FKBP5: variants seen among roughly 807,000 people sequenced by gnomAD.
The protein encoded by FKBP5 is FKBP prolyl isomerase 5, also known as peptidyl-prolyl cis-trans isomerase FKBP5.
Under a neutral mutation model 50.5 loss-of-function variants are expected in FKBP5, and 23 were observed. That is an observed-to-expected ratio of 0.46 (90% confidence interval 0.33 to 0.65). FKBP5 has a LOEUF of 0.65. Among genes scored for constraint, FKBP5 ranks in the 30% least tolerant of loss-of-function variants. The pLI is 0.02. For synonymous variants in FKBP5, 176 were observed against 190.6 expected (o/e 0.92, Z 0.63); for missense variants, 411 against 553.1 (o/e 0.74, Z 2.58).
At chr6:35,580,771 G>A in intron 8 of FKBP5, 3 of 726,204 alleles carry the variant, frequency 4.1e-6, no homozygotes, top group Non-Finnish European at 5.1e-6. Flanking sequence ...TTGAACTCCT[G>A]ACCTTGTGAT....
chr6:35,633,544 AAAAAAAAAAAAAAAAGG>A (rs1415293835), intron 3 of FKBP5, among the ~76,000 whole-genome samples: 1 of 20,682 alleles, frequency 4.8e-5, no homozygotes, highest in Non-Finnish European at 1.5e-4. Flanking sequence ...TTCCATCTCA[AAAAAAAAAAAAAAAAGG>A]AAAAAAAAAA....
At chr6:35,651,970 G>A (rs1764813919) in intron 1 of FKBP5, 3 of 469,020 alleles carry the variant, frequency 6.4e-6, no homozygotes, top group Admixed American at 5.2e-5. Flanking sequence ...CCCAAACGGA[G>A]GAACCGGCTG....
At chr6:35,671,183 G>T (rs559395621) in intron 1 of FKBP5, among the ~76,000 whole-genome samples, 1 of 151,832 alleles carries the variant, frequency 6.6e-6, no homozygotes, top group Non-Finnish European at 1.5e-5. Context: ...AGGATTGCTT[G>T]AGCCAGGGAG....
chr6:35,623,135 C>G (rs4713900), intron 3 of FKBP5, among the ~76,000 whole-genome samples: 125,098 of 152,206 alleles, frequency 0.82, 51,537 homozygotes, highest in African/African-American at 0.84. Context: ...CCAGCTACTC[C>G]GGAGGCTGAG....
At position 35,680,316 on chromosome 6, in the gene FKBP5, G is replaced by A. The variant is rs142989415; in HGVS notation, c.-20+8488C>T. On this transcript the variant is annotated intron_variant, in intron 1 of 10. Transcript: ENST00000357266. ...ATGGTGGTGCACGCCTATAGTCCCAGCCACTCAGGAAACTGAGGCAGGAGA... is the reference window on the plus strand; with the variant it reads ...ATGGTGGTGCACGCCTATAGTCCCAACCACTCAGGAAACTGAGGCAGGAGA... Among the ~76,000 whole-genome samples the A allele has an allele frequency of 9.1e-3, 1,380 of 152,192 alleles. 15 individuals are homozygous for A. The highest frequency in any genetic ancestry group is 0.015 in the Non-Finnish European group (1,032 of 68,012).
At chr6:35,721,788 C>T (rs1766615525) in intron 1 of FKBP5, among the ~76,000 whole-genome samples, 1 of 152,218 alleles carries the variant, frequency 6.6e-6, no homozygotes. Flanking sequence ...ATGCGTACTC[C>T]CAGTTGTGAT....
At chr6:35,703,945 A>G (rs949204462) in intron 2 of FKBP5, among the ~76,000 whole-genome samples, 3 of 152,212 alleles carry the variant, frequency 2.0e-5, no homozygotes, top group Non-Finnish European at 2.9e-5. Flanking sequence ...TGGTGGTAGC[A>G]GCCATTTTCT....
chr6:35,715,219 G>T (rs1766491422), intron 2 of FKBP5, among the ~76,000 whole-genome samples: 3 of 152,146 alleles, frequency 2.0e-5, no homozygotes, highest in Non-Finnish European at 2.9e-5. Context: ...ATGTTAATGA[G>T]TCCATTCATT....
intron 5 of FKBP5, among the ~76,000 whole-genome samples, chr6:35,613,413 G>C (rs1363285334): frequency 1.3e-5 from 2 of 152,052 alleles, no homozygotes; most frequent in Non-Finnish European, 2.9e-5. Context: ...ATGGGGTTTT[G>C]CCATGTTGGC....
intron 1 of FKBP5, among the ~76,000 whole-genome samples, chr6:35,670,122 G>C (rs1305641941): frequency 6.6e-6 from 1 of 152,106 alleles, no homozygotes; most frequent in Non-Finnish European, 1.5e-5. Context: ...AAAACTTAAT[G>C]ACCTTAGTTT....
At chr6:35,583,173 A>C in intron 8 of FKBP5, 1 of 985,448 alleles carries the variant, frequency 1.0e-6, no homozygotes. Flanking sequence ...TGTTTCACTG[A>C]GATGAGATAG....
intron 1 of FKBP5, chr6:35,651,796 T>A: frequency 3.2e-6 from 1 of 309,406 alleles, no homozygotes; most frequent in Non-Finnish European, 5.1e-6. Context: ...TTTTATTTAA[T>A]GCACAAAATT....
chr6:35,693,121 G>C (rs374741943), upstream of FKBP5, among the ~76,000 whole-genome samples: 26 of 130,184 alleles, frequency 2.0e-4, no homozygotes, highest in East Asian at 5.8e-3. Context: ...CCCAACCATT[G>C]AGCTCCATTT....
Position 35,714,526 on chromosome 6 carries a change from T to C in FKBP5, c.-20+5802A>G, listed in dbSNP as rs995502368. ...TCAAAATGTATTTTCTTCAAAATAC[T>C]CTGTGTTCTGCTGGGTGTGGTGGCT... On this transcript the variant is annotated intron_variant, in intron 2 of 11. Transcript: ENST00000536438. Among the ~76,000 whole-genome samples the C allele has an allele frequency of 2.0e-5, 3 of 150,616 alleles. 1 individual carries two copies. Among genetic ancestry groups the C allele is most frequent in the Non-Finnish European group, 4.4e-5 (3 of 67,776 alleles).
chr6:35,657,722 T>A (rs1211214927), intron 1 of FKBP5, among the ~76,000 whole-genome samples: 1 of 152,186 alleles, frequency 6.6e-6, no homozygotes, highest in Non-Finnish European at 1.5e-5. Context: ...ATCAAGATCC[T>A]AAGAATTTCT....
chr6:35,722,207 C>G (rs954642285), intron 1 of FKBP5, among the ~76,000 whole-genome samples: 1 of 152,028 alleles, frequency 6.6e-6, no homozygotes, highest in Non-Finnish European at 1.5e-5. Flanking sequence ...CCCTTCCCAA[C>G]TGCCAAGGAT....
intron 3 of FKBP5, among the ~76,000 whole-genome samples, chr6:35,623,298 G>A (rs749044196): frequency 2.6e-4 from 39 of 152,126 alleles, no homozygotes; most frequent in Non-Finnish European, 1.5e-4. Context: ...TGCATGGCAC[G>A]GTGCCCGGCA....
intron 2 of FKBP5, among the ~76,000 whole-genome samples, chr6:35,706,356 G>A (rs1264956573): frequency 1.3e-5 from 2 of 151,120 alleles, no homozygotes; most frequent in Admixed American, 6.6e-5. Flanking sequence ...CCTAGGAGGC[G>A]GAGGTTGCAG....
intron 5 of FKBP5, among the ~76,000 whole-genome samples, chr6:35,608,087 C>T (rs1763382273): frequency 1.3e-5 from 2 of 151,922 alleles, no homozygotes; most frequent in Admixed American, 1.3e-4. Flanking sequence ...ACAGATGCAG[C>T]TGGAGGCCAG....
Sources: gnomAD v4.1 joint callset for allele counts (sites outside exome capture counted in the v4.1 genomes callset) on GRCh38, gnomAD v4.1.1 for gene constraint, MANE v1.5 for transcripts, NCBI Gene and HGNC (gene_info 2026-07-23, HGNC 2026-07-21) for gene names.